DOK5: variants seen among roughly 807,000 people sequenced by gnomAD.
DOK5 encodes the protein downstream of tyrosine kinase 5.
DOK5 carries 27 observed loss-of-function variants against 43.3 expected under a neutral mutation model. That is an observed-to-expected ratio of 0.62 (90% CI 0.46 to 0.86). DOK5 has a LOEUF of 0.86. DOK5 is among the 40% of genes least tolerant of loss of function. DOK5 has a pLI of 0.00. For missense variants in DOK5, 373 were observed against 392.9 expected, an observed-to-expected ratio of 0.95 and a Z score of 0.43; for synonymous variants, 146 against 140.1, an observed-to-expected ratio of 1.04 and a Z score of -0.30.
At chr20:54,643,670 G>A in intron 7 of DOK5, 92 bp downstream of exon 7, 3 of 1,470,482 alleles carry the variant, frequency 2.0e-6, no homozygotes, top group South Asian at 1.3e-5. Flanking sequence ...CTGCATGCCA[G>A]CTGGTTAGTG....
chr20:54,619,940 G>T (rs921165512), intron 6 of DOK5, among the ~76,000 whole-genome samples: 1 of 152,090 alleles, frequency 6.6e-6, no homozygotes, highest in South Asian at 2.1e-4. Context: ...GTGTGTAAAC[G>T]CTCTTTTCAC....
intron 1 of DOK5, among the ~76,000 whole-genome samples, chr20:54,523,001 C>T (rs1983464561): frequency 6.6e-6 from 1 of 152,096 alleles, no homozygotes; most frequent in South Asian, 2.1e-4. Flanking sequence ...AAATGTAATC[C>T]TTCTAAGCCT....
intron 2 of DOK5, among the ~76,000 whole-genome samples, chr20:54,574,228 C>A (rs148406095): frequency 6.6e-6 from 1 of 152,090 alleles, no homozygotes; most frequent in Admixed American, 6.5e-5. Context: ...CAGAGCATCA[C>A]CCATATCCCT....
intron 1 of DOK5, among the ~76,000 whole-genome samples, chr20:54,485,932 C>T (rs1568749034): frequency 6.6e-6 from 1 of 152,056 alleles, no homozygotes; most frequent in Non-Finnish European, 1.5e-5. Context: ...TTTTCATGTT[C>T]CTGTTTGCCG....
chr20:54,611,485 C>A (rs1212445528), intron 6 of DOK5, among the ~76,000 whole-genome samples: 1 of 152,008 alleles, frequency 6.6e-6, no homozygotes, highest in Non-Finnish European at 1.5e-5. Flanking sequence ...CACTTGAGCC[C>A]AGGAGGTGAA....
At chr20:54,590,773 G>A (rs1422962381) in intron 4 of DOK5, among the ~76,000 whole-genome samples, 1 of 152,138 alleles carries the variant, frequency 6.6e-6, no homozygotes. Context: ...ATTGTCGTAT[G>A]TAGGCAATCT....
intron 2 of DOK5, among the ~76,000 whole-genome samples, chr20:54,571,250 G>A (rs1376632139): frequency 6.6e-6 from 1 of 152,092 alleles, no homozygotes; most frequent in Admixed American, 6.6e-5. Context: ...CTAGGTGAAA[G>A]TCCTAATTGC....
intron 6 of DOK5, among the ~76,000 whole-genome samples, chr20:54,613,345 T>G (rs1986713674): frequency 6.6e-6 from 1 of 152,162 alleles, no homozygotes; most frequent in Admixed American, 6.5e-5. Flanking sequence ...TTAATAGATT[T>G]TAGAGAATTA....
intron 1 of DOK5, among the ~76,000 whole-genome samples, chr20:54,500,692 G>C (rs1289237398): frequency 1.3e-5 from 2 of 151,494 alleles, no homozygotes; most frequent in East Asian, 3.9e-4. Context: ...CTCCTGAGTA[G>C]CTGGGATTAC....
chr20:54,556,392 A>G (rs1465004489), intron 2 of DOK5, among the ~76,000 whole-genome samples: 1 of 152,200 alleles, frequency 6.6e-6, no homozygotes, highest in African/African-American at 2.4e-5. Flanking sequence ...TGAATTGAAA[A>G]TGTATTATTT....
chr20:54,635,795 C>T (rs1196870126), intron 6 of DOK5, among the ~76,000 whole-genome samples: 1 of 152,178 alleles, frequency 6.6e-6, no homozygotes, highest in African/African-American at 2.4e-5. Flanking sequence ...ACAGTACCCT[C>T]TAGGCCTCAG....
intron 7 of DOK5, among the ~76,000 whole-genome samples, chr20:54,647,511 A>G (rs1979490509): frequency 6.7e-6 from 1 of 149,560 alleles, no homozygotes; most frequent in Admixed American, 6.7e-5. Context: ...GTCTCAGTTA[A>G]AAAAAAAAAA....
chr20:54,576,650 A>G (rs553401160), intron 2 of DOK5, among the ~76,000 whole-genome samples: 4 of 152,300 alleles, frequency 2.6e-5, no homozygotes, highest in African/African-American at 9.6e-5. Flanking sequence ...GTGCTTTGCC[A>G]CAGGACCTGG....
intron 6 of DOK5, among the ~76,000 whole-genome samples, chr20:54,620,572 A>G (rs1387184119): frequency 6.6e-6 from 1 of 152,192 alleles, no homozygotes; most frequent in Non-Finnish European, 1.5e-5. Context: ...TTACCATTTA[A>G]ATAAGGAGTT....
intron 2 of DOK5, among the ~76,000 whole-genome samples, chr20:54,561,283 C>T (rs1568784160): frequency 6.6e-6 from 1 of 152,156 alleles, no homozygotes; most frequent in Non-Finnish European, 1.5e-5. Flanking sequence ...CCATTTGGGG[C>T]TGATCCCTTC....
At chr20:54,560,057 T>C (rs1984847115) in intron 2 of DOK5, among the ~76,000 whole-genome samples, 1 of 152,244 alleles carries the variant, frequency 6.6e-6, no homozygotes, top group Non-Finnish European at 1.5e-5. Flanking sequence ...AATAGGATTC[T>C]AGCTTCCGCA....
intron 2 of DOK5, among the ~76,000 whole-genome samples, chr20:54,581,804 G>A (rs1027432836): frequency 2.6e-5 from 4 of 151,202 alleles, no homozygotes; most frequent in African/African-American, 9.7e-5. Flanking sequence ...GAATCTTTAG[G>A]GTTTTCTACA....
rs534813079 is a variant in DOK5, at chr20:54,637,059, T to C, written c.736-6399T>C. 4.6e-5 allele frequency among the ~76,000 whole-genome samples: 7 copies of C among 152,324 alleles called. No homozygotes were observed. In the East Asian group the frequency reaches 1.4e-3, roughly 29 times the overall value. On this transcript the variant is annotated intron_variant, in intron 6 of 7. Transcript: ENST00000262593. ...CAATCTGAATATTTTTGTTAATTTG[T>C]ATACAGTTTCATCACAGGTCTCTTA...
At chr20:54,618,765 C>G (rs1462454669) in intron 6 of DOK5, among the ~76,000 whole-genome samples, 5 of 151,894 alleles carry the variant, frequency 3.3e-5, no homozygotes, top group Admixed American at 2.6e-4. Flanking sequence ...TGCCTATAAT[C>G]TTAGCACTTT....
Sources: allele counts gnomAD v4.1 joint callset (sites outside exome capture counted in the v4.1 genomes callset), GRCh38; gene constraint gnomAD v4.1.1; transcripts MANE v1.5; gene names NCBI Gene and HGNC (gene_info 2026-07-23, HGNC 2026-07-21).